NEMP2: variants seen among roughly 807,000 people sequenced by gnomAD.
The protein encoded by NEMP2 is nuclear envelope integral membrane protein 2.
NEMP2 carries 53 observed loss-of-function variants against 54.2 expected under a neutral mutation model. The ratio of observed to expected loss-of-function variants is 0.98; its 90% CI spans 0.78 to 1.23. NEMP2 has a LOEUF of 1.23. Among genes scored for constraint, NEMP2 ranks in the 50% most tolerant of loss-of-function variants. The pLI, the probability that NEMP2 is intolerant of heterozygous loss-of-function variation, is 0.00. For missense variants in NEMP2, 455 were observed against 511.3 expected, an observed-to-expected ratio of 0.89 and a Z score of 1.06; for synonymous variants, 197 against 190.3, an observed-to-expected ratio of 1.04 and a Z score of -0.29.
rs544146743 is a variant in NEMP2, at chr2:190,528,551, T to C, written c.98-3173A>G. ...GACCCAGCAGCCCAAACTATGATAATAATGTTTACTTCCAGACAGGTCTTT... is the reference window on the plus strand; with the variant it reads ...GACCCAGCAGCCCAAACTATGATAACAATGTTTACTTCCAGACAGGTCTTT... On this transcript the variant is annotated intron_variant, in intron 1 of 8. Transcript: ENST00000409150. This position sits in a 1 kb window ranked among gnomAD's most constrained non-coding sequence, Gnocchi z 4.3. 1.3e-5 allele frequency among the ~76,000 whole-genome samples: 2 copies of C among 152,260 alleles called. No individual in the cohort carries two copies. The highest frequency in any genetic ancestry group is 2.4e-5 in the African/African-American group (1 of 41,546).
the NEMP2 span, among the ~76,000 whole-genome samples, chr2:190,572,869 A>G: frequency 2.4e-5 from 3 of 123,434 alleles, no homozygotes; most frequent in Non-Finnish European, 3.5e-5. Context: ...ATATATATAT[A>G]TATATATGTA....
At chr2:190,477,277 G>A in the NEMP2 span, 2 of 984,464 alleles carry the variant, frequency 2.0e-6, no homozygotes, top group Non-Finnish European at 2.4e-6. Context: ...ATGCAACACA[G>A]TTCTTAGGAT....
chr2:190,542,923 C>T, the NEMP2 span, among the ~76,000 whole-genome samples: 1 of 152,010 alleles, frequency 6.6e-6, no homozygotes, highest in African/African-American at 2.4e-5. This position sits in a 1 kb window ranked among gnomAD's most constrained non-coding sequence, Gnocchi z 4.6. Context: ...GTCATGGTTC[C>T]CTGTTTACTA....
At chr2:190,448,367 TG>T in the NEMP2 span, among the ~76,000 whole-genome samples, 1 of 152,208 alleles carries the variant, frequency 6.6e-6, no homozygotes, top group Admixed American at 6.5e-5. Context: ...GATGCTTAGT[TG>T]CTTACTTGTG....
the NEMP2 span, chr2:190,620,346 G>A: frequency 1.3e-5 from 2 of 152,160 alleles, no homozygotes. This position sits in a 1 kb window ranked among gnomAD's most constrained non-coding sequence, Gnocchi z 4.9. Context: ...TGTGGTGGGA[G>A]ATATGGAAGA....
the NEMP2 span, among the ~76,000 whole-genome samples, chr2:190,566,328 T>G: frequency 5.3e-5 from 8 of 152,168 alleles, no homozygotes; most frequent in Non-Finnish European, 1.2e-4. Context: ...AATTTCTTAC[T>G]GTCAGGTTTA....
In NEMP2 at chr2:190,514,618, G is replaced by GC; in HGVS notation, c.787dup (p.Ala263GlyfsTer82). The GC allele has an allele frequency of 6.4e-7, 1 of 1,551,722 alleles. No homozygotes were observed. The highest frequency in any genetic ancestry group is 8.7e-7 in the Non-Finnish European group (1 of 1,147,008). On this transcript the variant is annotated frameshift_variant, in exon 7 of 9. Transcript: ENST00000409150. LOFTEE classifies it high-confidence loss of function. This position sits in a 1 kb window ranked among gnomAD's most constrained non-coding sequence, Gnocchi z 5.7. ...CAGAAGACTTCTGCTCCTGTCGTCT[G>GC]CAAGGGGCCCATGCTTGTAACAAAC...
At chr2:190,493,618 AG>A in the NEMP2 span, among the ~76,000 whole-genome samples, 1 of 152,214 alleles carries the variant, frequency 6.6e-6, no homozygotes, top group Non-Finnish European at 1.5e-5. Context: ...ACTATATGAT[AG>A]GCCATAAAAC....
At position 190,525,388 on chromosome 2, in the gene NEMP2, G is replaced by A. The variant is rs1424858760; in HGVS notation, c.98-10C>T. The A allele has an allele frequency of 2.8e-6, 4 of 1,449,554 alleles. No homozygotes were observed. The highest frequency in any genetic ancestry group is 5.0e-5 in the East Asian group (2 of 40,108). 89.8% of individuals were successfully genotyped at this position (1,449,554 alleles called of 1,614,324 possible). On this transcript the variant is annotated splice_polypyrimidine_tract_variant and intron_variant, in intron 1 of 8. Transcript: ENST00000409150. This position sits in a 1 kb window ranked among gnomAD's most constrained non-coding sequence, Gnocchi z 5.0. The stretch of plus-strand genomic sequence containing the variant: ...GCTTTACACCTACGAACTGAGAGAT[G>A]GAAAAGGGAATGCATTTTCTAACTG...
rs1326428601 is a variant in NEMP2, at chr2:190,510,337, T to C, written c.1130+24A>G. 1 of 1,550,880 alleles carries C rather than the reference T, an allele frequency of 6.4e-7. No individual in the cohort carries two copies. On this transcript the variant is annotated intron_variant, in intron 8 of 8. Transcript: ENST00000409150. The surrounding 1 kb of genome is among the most constrained non-coding windows in gnomAD (Gnocchi z 5.7). ...TAAATCATTCTGAACTAAACTATGG[T>C]CCGAGCAGCAGAGCGGGACTTACTT...
the NEMP2 span, chr2:190,608,454 A>G: frequency 1.3e-4 from 20 of 152,350 alleles, no homozygotes; most frequent in African/African-American, 4.6e-4. The surrounding 1 kb of genome is among the most constrained non-coding windows in gnomAD (Gnocchi z 4.9). Flanking sequence ...CTCAAACTGT[A>G]AACGTCATGG....
the NEMP2 span, among the ~76,000 whole-genome samples, chr2:190,425,157 T>C: frequency 6.6e-6 from 1 of 152,238 alleles, no homozygotes; most frequent in Non-Finnish European, 1.5e-5. The surrounding 1 kb of genome is among the most constrained non-coding windows in gnomAD (Gnocchi z 4.3). Flanking sequence ...ATTGCTAGTA[T>C]ACAGAAATAC....
downstream of NEMP2, among the ~76,000 whole-genome samples, chr2:190,502,585 A>C (rs1035212241): frequency 6.6e-6 from 1 of 152,230 alleles, no homozygotes; most frequent in African/African-American, 2.4e-5. The surrounding 1 kb of genome is among the most constrained non-coding windows in gnomAD (Gnocchi z 4.4). Flanking sequence ...TAAGGAATTC[A>C]CAGGAAGAGC....
At chr2:190,585,546 C>G in the NEMP2 span, among the ~76,000 whole-genome samples, 1 of 152,196 alleles carries the variant, frequency 6.6e-6, no homozygotes, top group Non-Finnish European at 1.5e-5. This position sits in a 1 kb window ranked among gnomAD's most constrained non-coding sequence, Gnocchi z 5.3. Context: ...CAACCCCAGT[C>G]TAGTCCCCCA....
At chr2:190,488,632 C>A in the NEMP2 span, 13 of 1,424,424 alleles carry the variant, frequency 9.1e-6, no homozygotes, top group Non-Finnish European at 1.0e-5. The surrounding 1 kb of genome is among the most constrained non-coding windows in gnomAD (Gnocchi z 6.4). Flanking sequence ...ACCAACTAAT[C>A]CCTCCTGCTC....
the NEMP2 span, among the ~76,000 whole-genome samples, chr2:190,468,657 C>T: frequency 6.8e-6 from 1 of 146,216 alleles, no homozygotes; most frequent in Non-Finnish European, 1.5e-5. Context: ...CAGGTTCTCA[C>T]TATGTTGCCC....
rs913022830 is a variant in NEMP2, at chr2:190,504,706, C to G, written c.*4483G>C. 1 of 152,080 alleles carries G rather than the reference C, an allele frequency of 6.6e-6. No homozygotes were observed. The highest frequency in any genetic ancestry group is 2.4e-5 in the African/African-American group (1 of 41,410). 9.4% of individuals were successfully genotyped at this position (152,080 alleles called of 1,614,324 possible). A position where few individuals can be genotyped will look rare whatever the true frequency, so the allele number is the denominator to read the frequency against. The stretch of plus-strand genomic sequence containing the variant: ...TATATACCATACTCTCTCCAATAGT[C>G]AGTGTAGGATGCTATTCTTTTAAAT... On this transcript the variant is annotated 3_prime_UTR_variant, in exon 9 of 9. Coordinates refer to ENST00000409150, the MANE Select transcript of NEMP2 (RefSeq NM_001142645.2). This position sits in a 1 kb window ranked among gnomAD's most constrained non-coding sequence, Gnocchi z 5.6.
chr2:190,451,795 T>G, the NEMP2 span, among the ~76,000 whole-genome samples: 13 of 152,224 alleles, frequency 8.5e-5, no homozygotes, highest in Non-Finnish European at 1.5e-4. This position sits in a 1 kb window ranked among gnomAD's most constrained non-coding sequence, Gnocchi z 5.0. Context: ...CTGGGAAGCT[T>G]GAGCATCATA....
At chr2:190,548,163 T>G in the NEMP2 span, among the ~76,000 whole-genome samples, 27,244 of 152,156 alleles carry the variant, frequency 0.18, 2,550 homozygotes, top group Middle Eastern at 0.22. Flanking sequence ...CACATTGTGG[T>G]TGTGTCCCTG....
Sources: allele counts gnomAD v4.1 joint callset (sites outside exome capture counted in the v4.1 genomes callset), GRCh38; gene constraint gnomAD v4.1.1; non-coding constraint Gnocchi (gnomAD v3.1); transcripts MANE v1.5; gene names NCBI Gene and HGNC (gene_info 2026-07-23, HGNC 2026-07-21).